ITK: variants seen among roughly 807,000 people sequenced by gnomAD.
ITK encodes the protein tyrosine-protein kinase ITK/TSK.
ITK carries 45 observed loss-of-function variants against 87.6 expected under a neutral mutation model. The observed-to-expected ratio is 0.51, with a 90% CI of 0.40 to 0.66. The LOEUF is 0.66. Among genes scored for constraint, ITK ranks in the 30% least tolerant of loss-of-function variants. The pLI, the probability that ITK is intolerant of heterozygous loss-of-function variation, is 0.00. For missense variants in ITK, 605 were observed against 766.3 expected (o/e 0.79, Z 2.48); for synonymous variants, 303 against 273.6 (o/e 1.11, Z -1.06).
In ITK at chr5:157,241,663, C is replaced by T. The variant is rs121908191; in HGVS notation, c.1003C>T (p.Arg335Trp). The T allele has an allele frequency of 1.9e-6, 3 of 1,613,826 alleles. No homozygotes were observed. Among genetic ancestry groups the T allele is most frequent in the East Asian group, 2.2e-5 (1 of 44,882 alleles). The change falls in exon 11 of 17, where the codon CGG (arginine) becomes TGG (tryptophan). Residue 335 changes from arginine to tryptophan, a missense_variant. By Grantham distance (101) the Arg-to-Trp change is moderately radical. Coordinates refer to ENST00000422843, the MANE Select transcript of ITK (RefSeq NM_005546.4). Reference protein sequence around the residue: ...HNGGGLVTRLRYPVCFGRQKA... With the variant: ...HNGGGLVTRLWYPVCFGRQKA... Reference sequence around the variant, plus strand: ...CAACCCAGGCCTGGTGACTCGACTCCGGTATCCAGTTTGTTTTGGGAGGCA... The same window carrying T: ...CAACCCAGGCCTGGTGACTCGACTCTGGTATCCAGTTTGTTTTGGGAGGCA...
intron 8 of ITK, among the ~76,000 whole-genome samples, chr5:157,236,749 A>C (rs1315534895): frequency 6.6e-6 from 1 of 152,128 alleles, no homozygotes; most frequent in Non-Finnish European, 1.5e-5. Context: ...GAATGAATAA[A>C]ATGGTATGTC....
intron 6 of ITK, 130 bp downstream of exon 6, chr5:157,223,144 A>T: frequency 2.1e-5 from 25 of 1,171,268 alleles, no homozygotes; most frequent in Non-Finnish European, 3.2e-5. Context: ...GCAGAGGCAG[A>T]AGGAAGAGGG....
At chr5:157,221,032 T>C (rs1480142478) in intron 5 of ITK, among the ~76,000 whole-genome samples, 2 of 152,136 alleles carry the variant, frequency 1.3e-5, no homozygotes, top group Non-Finnish European at 2.9e-5. Context: ...CTAACTTTTG[T>C]ATTAAACATA....
intron 12 of ITK, 192 bp from the exon 13 acceptor site, chr5:157,244,070 C>T (rs534843736): frequency 1.5e-6 from 1 of 685,996 alleles, no homozygotes; most frequent in Admixed American, 2.1e-5. Context: ...TTCACACACA[C>T]AGCTGACTCC....
intron 4 of ITK, among the ~76,000 whole-genome samples, chr5:157,216,519 G>C (rs1160656622): frequency 1.3e-5 from 2 of 152,116 alleles, no homozygotes; most frequent in Non-Finnish European, 2.9e-5. Flanking sequence ...GAACTTGTAT[G>C]GGTCTGGGAA....
intron 2 of ITK, among the ~76,000 whole-genome samples, chr5:157,210,556 T>A (rs1303371133): frequency 2.6e-5 from 4 of 151,892 alleles, no homozygotes; most frequent in African/African-American, 7.3e-5. Context: ...AATTTTTTTT[T>A]ATTATACTTT....
At chr5:157,184,883 T>G (rs1415137442) in intron 1 of ITK, among the ~76,000 whole-genome samples, 2 of 152,214 alleles carry the variant, frequency 1.3e-5, no homozygotes, top group Non-Finnish European at 2.9e-5. Flanking sequence ...AGGGATCAAG[T>G]GTGCTGTGCT....
chr5:157,245,291 C>T (rs1008173423), intron 13 of ITK: 21 of 243,208 alleles, frequency 8.6e-5, no homozygotes, highest in Non-Finnish European at 1.3e-4. Context: ...TTCAATGCAA[C>T]AGTCTATAAT....
At chr5:157,230,082 A>T (rs1754619906) in intron 7 of ITK, among the ~76,000 whole-genome samples, 2 of 152,222 alleles carry the variant, frequency 1.3e-5, no homozygotes, top group South Asian at 4.1e-4. Context: ...TGTTATGTAG[A>T]TCTTAAATCT....
intron 6 of ITK, among the ~76,000 whole-genome samples, chr5:157,226,173 A>G (rs1482337145): frequency 1.3e-5 from 2 of 152,236 alleles, no homozygotes. Context: ...ACAGATGACC[A>G]AGTCACTTTT....
chr5:157,220,426 A>G (rs940805553), intron 5 of ITK, among the ~76,000 whole-genome samples: 33 of 152,094 alleles, frequency 2.2e-4, no homozygotes, highest in Non-Finnish European at 5.9e-5. Context: ...GGGCCACTAG[A>G]ATGTGTCTGC....
chr5:157,186,895 C>T (rs1307366343), intron 1 of ITK, among the ~76,000 whole-genome samples: 3 of 152,232 alleles, frequency 2.0e-5, no homozygotes, highest in African/African-American at 2.4e-5. Context: ...ACCAGCTTTT[C>T]ACATGTGACT....
intron 7 of ITK, among the ~76,000 whole-genome samples, chr5:157,229,285 C>T (rs1754599477): frequency 6.6e-6 from 1 of 152,160 alleles, no homozygotes; most frequent in Admixed American, 6.5e-5. Flanking sequence ...TTTACATAGT[C>T]TCAAAGTATC....
chr5:157,231,814 G>A (rs1328183809), intron 7 of ITK, among the ~76,000 whole-genome samples: 1 of 152,182 alleles, frequency 6.6e-6, no homozygotes, highest in East Asian at 1.9e-4. Context: ...TTGGCAGAAT[G>A]TCTGGAAGAG....
intron 5 of ITK, among the ~76,000 whole-genome samples, chr5:157,222,562 A>G (rs1013963727): frequency 5.3e-5 from 8 of 152,254 alleles, no homozygotes; most frequent in African/African-American, 1.9e-4. Flanking sequence ...TGCCAAGGGC[A>G]TGATGCATCC....
rs1487237192 is a variant in ITK at position 157,253,802 on chromosome 5, A to G, written c.*1124A>G. On this transcript the variant is annotated 3_prime_UTR_variant, in exon 17 of 17. Transcript: ENST00000422843. The stretch of plus-strand genomic sequence containing the variant: ...GTCTGTTTTTGCTCAAACCATCAGG[A>G]TGGAAACAGTCAGGCACTGACTGGG... The G allele has an allele frequency of 4.6e-6, 1 of 219,196 alleles. No homozygotes were observed. Among genetic ancestry groups the G allele is most frequent in the Non-Finnish European group, 9.1e-6 (1 of 109,316 alleles). The allele number at this position is 219,196 out of a possible 1,614,324, so 13.6% of individuals were successfully genotyped here.
intron 1 of ITK, among the ~76,000 whole-genome samples, chr5:157,190,826 T>C (rs163312): frequency 0.54 from 82,056 of 152,098 alleles, 22,432 homozygotes; most frequent in African/African-American, 0.62. Context: ...GATTTGAACA[T>C]GCAGAGTTCA....
intron 7 of ITK, 88 bp downstream of exon 7, chr5:157,228,449 C>A (rs1317715639): frequency 3.8e-6 from 3 of 786,176 alleles, no homozygotes; most frequent in Admixed American, 3.8e-5. Flanking sequence ...TGTAAAAATA[C>A]CAGATGATCC....
intron 1 of ITK, among the ~76,000 whole-genome samples, chr5:157,183,901 G>A (rs1753590903): frequency 6.6e-6 from 1 of 152,130 alleles, no homozygotes; most frequent in Non-Finnish European, 1.5e-5. Flanking sequence ...AATCAAGTAT[G>A]TTTATTCTAA....
Sources: allele counts gnomAD v4.1 joint callset (sites outside exome capture counted in the v4.1 genomes callset), GRCh38; gene constraint gnomAD v4.1.1; transcripts MANE v1.5; gene names NCBI Gene and HGNC (gene_info 2026-07-23, HGNC 2026-07-21).